Variants in USP7 observed in about 807,000 individuals in gnomAD.
USP7 encodes ubiquitin C-terminal hydrolase 7.
In USP7, 9 loss-of-function variants were observed where a neutral mutation model predicts 162.9. That is an observed-to-expected ratio of 0.06 (90% CI 0.03 to 0.10). The LOEUF (loss-of-function observed/expected upper bound fraction) is 0.10. USP7 is among the 10% of genes least tolerant of loss of function. The pLI, the probability that USP7 is intolerant of heterozygous loss-of-function variation, is 1.00. For missense variants in USP7, 715 were observed against 1,373.7 expected (o/e 0.52, Z 7.58); for synonymous variants, 562 against 475.9 (o/e 1.18, Z -2.35).
intron 6 of USP7, among the ~76,000 whole-genome samples, chr16:8,917,885 G>C (rs953866880): frequency 3.9e-5 from 6 of 152,058 alleles, no homozygotes; most frequent in Middle Eastern, 3.4e-3. Context: ...CGCCTCCCAG[G>C]TCCACGCCAT....
At position 8,917,121 on chromosome 16, in the gene USP7, C is replaced by T. The variant is rs150010605; in HGVS notation, c.756G>A (p.Ser252=). Residue 252 remains serine, a synonymous_variant, in exon 7 of 31, where the codon TCG becomes TCA. Transcript: ENST00000344836. ...VYMMPTEGDD[S]SKSVPLALQR... ...GTAATGCTAAAGGGACGCTTTTAGA[C>T]GAATCATCCCCCTCGGTTGGCATCA... The T allele has an allele frequency of 1.4e-5, 22 of 1,613,090 alleles. No individual in the cohort carries two copies. The highest frequency in any genetic ancestry group is 5.3e-5 in the African/African-American group (4 of 74,824).
Position 8,897,698 on chromosome 16 carries a change from C to CCA in USP7, c.2719-600_2719-599insTG, listed in dbSNP as rs1555461632. ...GCAATATAGTGAGACCCTGTCTCTA[C>CCA]AAAAAAAAAAAAAAAAAAAAAAAAA... On this transcript the variant is annotated intron_variant, in intron 25 of 30. Transcript: ENST00000344836. Among the ~76,000 whole-genome samples the CCA allele has an allele frequency of 3.1e-4, 11 of 35,594 alleles. 1 individual carries two copies. Among genetic ancestry groups the CCA allele is most frequent in the East Asian group, 2.4e-3 (2 of 842 alleles). The allele number at this position is 35,594 out of a possible 152,430, so 23.4% of individuals were successfully genotyped here. A position where few individuals can be genotyped will look rare whatever the true frequency, so the allele number is the denominator to read the frequency against.
chr16:8,930,470 A>T, intron 1 of USP7, 73 bp from the exon 2 acceptor site: 2 of 1,061,994 alleles, frequency 1.9e-6, no homozygotes, highest in South Asian at 3.5e-5. Flanking sequence ...ATATAAACTT[A>T]TACTTTTGAT....
intron 18 of USP7, 117 bp downstream of exon 18, chr16:8,901,965 A>C: frequency 1.3e-5 from 11 of 824,590 alleles, no homozygotes; most frequent in East Asian, 2.6e-5. Flanking sequence ...CTTTTGTGGA[A>C]TTGATCAACA....
chr16:8,925,765 T>A (rs1439037569), intron 2 of USP7, among the ~76,000 whole-genome samples: 1 of 152,210 alleles, frequency 6.6e-6, no homozygotes, highest in East Asian at 1.9e-4. Context: ...AGAACAGACT[T>A]ATCAAATCTG....
chr16:8,938,440 C>T (rs1898876547), intron 1 of USP7, among the ~76,000 whole-genome samples: 3 of 152,024 alleles, frequency 2.0e-5, no homozygotes, highest in South Asian at 4.2e-4. Flanking sequence ...GGGCCGGGCA[C>T]GGTGGCTTAC....
At position 8,905,326 on chromosome 16, in the gene USP7, A is replaced by G; in HGVS notation, c.1434T>C (p.Cys478=). 2 of 1,613,944 alleles carry G rather than the reference A, an allele frequency of 1.2e-6. No homozygotes were observed. The highest frequency in any genetic ancestry group is 1.7e-6 in the Non-Finnish European group (2 of 1,179,826). Residue 478 remains cysteine (C), a synonymous_variant, in exon 14 of 31, where the codon TGT becomes TGC. Coordinates refer to ENST00000344836, the MANE Select transcript of USP7 (RefSeq NM_003470.3). The part of the protein sequence containing the change: ...YLNPKGDGKW[C]KFDDDVVSRC... ...TTGACACCACGTCGTCATCAAATTT[A>G]CACCACTGCAAGGAAAACAACACAC... is the stretch of plus-strand genomic sequence containing the variant.
chr16:8,912,864 A>G (rs77119485), intron 10 of USP7, among the ~76,000 whole-genome samples: 6,990 of 152,300 alleles, frequency 0.046, 219 homozygotes, highest in Middle Eastern at 0.14. Flanking sequence ...AAAAATTTAA[A>G]AAGTTTGAAA....
chr16:8,957,869 CTT>C (rs1412984267), intron 1 of USP7, among the ~76,000 whole-genome samples: 1 of 152,118 alleles, frequency 6.6e-6, no homozygotes, highest in Non-Finnish European at 1.5e-5. Flanking sequence ...CTATCAATGT[CTT>C]TGTCTGGAAA....
At position 8,894,115 on chromosome 16, in the gene USP7, T is replaced by G. The variant is rs777900043; in HGVS notation, c.3203-11A>C. On this transcript the variant is annotated splice_polypyrimidine_tract_variant and intron_variant, in intron 30 of 30. Transcript: ENST00000344836. ...GATGAGACATATTACCTGGTGGGGATGAAGAAAAGCAAGTGAGGCCACAGA... is the reference window on the plus strand; with the variant it reads ...GATGAGACATATTACCTGGTGGGGAGGAAGAAAAGCAAGTGAGGCCACAGA... 6 of 1,613,156 alleles carry G rather than the reference T, an allele frequency of 3.7e-6. No individual in the cohort carries two copies. The highest frequency in any genetic ancestry group is 5.1e-6 in the Non-Finnish European group (6 of 1,179,092).
chr16:8,919,179 C>A, intron 5 of USP7, 40 bp from the exon 6 acceptor site: 3 of 1,593,326 alleles, frequency 1.9e-6, no homozygotes, highest in Middle Eastern at 1.8e-4. Context: ...CTTGCAGATA[C>A]CCCATTGCTC....
chr16:8,899,951 C>T, intron 21 of USP7, 194 bp from the exon 22 acceptor site: 1 of 662,348 alleles, frequency 1.5e-6, no homozygotes. Flanking sequence ...TGGGGATGCA[C>T]TGAGCCAGGC....
At chr16:8,922,261 G>C (rs988355289) in intron 3 of USP7, among the ~76,000 whole-genome samples, 3 of 152,260 alleles carry the variant, frequency 2.0e-5, no homozygotes, top group African/African-American at 7.2e-5. Context: ...GGCCGAGACA[G>C]GCAGATCACC....
intron 30 of USP7, 24 bp downstream of exon 30, chr16:8,894,526 C>T (rs761215752): frequency 1.3e-6 from 2 of 1,496,082 alleles, no homozygotes; most frequent in African/African-American, 1.6e-5. Flanking sequence ...CCACACCAGC[C>T]CCCGGGGGGG....
At chr16:8,899,230 G>T in intron 22 of USP7, 42 bp from the exon 23 acceptor site, 1 of 1,602,196 alleles carries the variant, frequency 6.2e-7, no homozygotes, top group South Asian at 1.1e-5. Flanking sequence ...GGGAAAAATT[G>T]AAACTTGGTC....
intron 13 of USP7, 103 bp from the exon 14 acceptor site, chr16:8,905,434 C>T (rs1456871480): frequency 7.1e-7 from 1 of 1,414,394 alleles, no homozygotes; most frequent in African/African-American, 1.4e-5. Context: ...CTAGGTATGC[C>T]CCTAGTTGAA....
intron 1 of USP7, among the ~76,000 whole-genome samples, chr16:8,960,727 G>A (rs1899974206): frequency 6.6e-6 from 1 of 152,178 alleles, no homozygotes; most frequent in African/African-American, 2.4e-5. Flanking sequence ...CTAAATTCCA[G>A]CCTTCTGGCT....
chr16:8,949,091 G>A (rs555626820), intron 1 of USP7, among the ~76,000 whole-genome samples: 2 of 152,234 alleles, frequency 1.3e-5, no homozygotes, highest in Admixed American at 1.3e-4. Context: ...ATTGAATGCT[G>A]ATAGTCACAC....
intron 1 of USP7, among the ~76,000 whole-genome samples, chr16:8,936,975 C>G (rs886853124): frequency 6.6e-6 from 1 of 152,140 alleles, no homozygotes; most frequent in Non-Finnish European, 1.5e-5. Flanking sequence ...GGGGGGCACA[C>G]AGGCGCTCTG....
Sources: allele counts gnomAD v4.1 joint callset (sites outside exome capture counted in the v4.1 genomes callset), GRCh38; gene constraint gnomAD v4.1.1; transcripts MANE v1.5; gene names NCBI Gene and HGNC (gene_info 2026-07-23, HGNC 2026-07-21).